The following STAT1 variants were observed in gnomAD, a reference collection of about 807,000 sequenced individuals.
STAT1 encodes the protein signal transducer and activator of transcription 1-alpha/beta.
Under a neutral mutation model 111.7 loss-of-function variants are expected in STAT1, and 24 were observed. That is an observed-to-expected ratio of 0.21 (90% CI 0.16 to 0.30). The LOEUF is 0.30. Ranked by LOEUF, STAT1 falls within the 10% of genes least tolerant of loss-of-function variation. The probability of loss-of-function intolerance (pLI) is 1.00; values close to 1 mark genes in which losing one functional copy is unlikely to be tolerated. For missense variants in STAT1, 351 were observed against 911.9 expected, an observed-to-expected ratio of 0.38 and a Z score of 7.92; for synonymous variants, 332 against 326.5, an observed-to-expected ratio of 1.02 and a Z score of -0.18.
At position 190,979,386 on chromosome 2, in the gene STAT1, A is replaced by G. The variant is rs1692171604; in HGVS notation, c.1728-385T>C. Among the ~76,000 whole-genome samples, 1 of 152,240 alleles carries G rather than the reference A, an allele frequency of 6.6e-6. No individual in the cohort carries two copies. Among genetic ancestry groups the G allele is most frequent in the Non-Finnish European group, 1.5e-5 (1 of 68,038 alleles). ...ATATTTTAGCCCTTCTGATCAAGTT[A>G]AAGCTTCTGTTGAAATATCAGCCGA... On this transcript the variant is annotated intron_variant, in intron 20 of 24. Coordinates refer to ENST00000361099, the MANE Select transcript of STAT1 (RefSeq NM_007315.4). The surrounding 1 kb of genome is among the most constrained non-coding windows in gnomAD (Gnocchi z 5.8).
intron 10 of STAT1, among the ~76,000 whole-genome samples, chr2:190,994,704 T>G (rs949635438): frequency 1.3e-5 from 2 of 151,870 alleles, no homozygotes; most frequent in African/African-American, 4.8e-5. Context: ...GCAGATCACC[T>G]GAGTTCAGGA....
In STAT1 at chr2:190,980,738, C is replaced by T; in HGVS notation, c.1583-69G>A. On this transcript the variant is annotated intron_variant, in intron 18 of 24. Coordinates refer to ENST00000361099, the MANE Select transcript of STAT1 (RefSeq NM_007315.4). This position sits in a 1 kb window ranked among gnomAD's most constrained non-coding sequence, Gnocchi z 6.1. ...TCTAAAGCTTTGGTTGGACGGATGG[C>T]TCTTGTATTTGCTCTCAAGGAAAAG... 2 of 1,489,182 alleles carry T rather than the reference C, an allele frequency of 1.3e-6. No individual in the cohort carries two copies. Among genetic ancestry groups the T allele is most frequent in the African/African-American group, 2.8e-5 (2 of 72,476 alleles). The allele number at this position is 1,489,182 out of a possible 1,614,324, so 92.2% of individuals were successfully genotyped here. A position where few individuals can be genotyped will look rare whatever the true frequency, so the allele number is the denominator to read the frequency against.
At position 190,981,854 on chromosome 2, in the gene STAT1, T is replaced by C. The variant is rs2125016619; in HGVS notation, c.1582+529A>G. On this transcript the variant is annotated intron_variant, in intron 18 of 24. Coordinates refer to ENST00000361099, the MANE Select transcript of STAT1 (RefSeq NM_007315.4). The surrounding 1 kb of genome is among the most constrained non-coding windows in gnomAD (Gnocchi z 4.1). Reference sequence around the variant, plus strand: ...ACTGACATTAACCACTGAAAGGGAATTATCTACCACTGTCTAGACTCTGTC... The same window carrying C: ...ACTGACATTAACCACTGAAAGGGAACTATCTACCACTGTCTAGACTCTGTC... 6.6e-6 allele frequency among the ~76,000 whole-genome samples: 1 copy of C among 152,336 alleles called. No individual in the cohort carries two copies. The highest frequency in any genetic ancestry group is 1.9e-4 in the East Asian group (1 of 5,190).
rs1034372654 is a variant in STAT1, at chr2:190,969,699, A to G, written c.*1004T>C. ...TGAGTTTTGAAATGATCTGATTCTC[A>G]TATTATCTCTGGTGTATTATTCAAG... On this transcript the variant is annotated 3_prime_UTR_variant, in exon 25 of 25. Coordinates refer to ENST00000361099, the MANE Select transcript of STAT1 (RefSeq NM_007315.4). 1.3e-5 allele frequency: 2 copies of G among 152,206 alleles called. No homozygotes were observed. The highest frequency in any genetic ancestry group is 2.9e-5 in the Non-Finnish European group (2 of 68,014). The allele number at this position is 152,206 out of a possible 1,614,324, so 9.4% of individuals were successfully genotyped here. A position where few individuals can be genotyped will look rare whatever the true frequency, so the allele number is the denominator to read the frequency against.
At position 190,978,884 on chromosome 2, in the gene STAT1, T is replaced by C. The variant is rs376916250; in HGVS notation, c.1845A>G (p.Thr615=). 6.2e-6 allele frequency: 10 copies of C among 1,614,000 alleles called. No individual in the cohort carries two copies. Among genetic ancestry groups the C allele is most frequent in the African/African-American group, 2.7e-5 (2 of 74,920 alleles). The change falls in exon 21 of 25, where the codon ACA becomes ACG. Residue 615 remains threonine (T), a synonymous_variant. Transcript: ENST00000361099. This position sits in a 1 kb window ranked among gnomAD's most constrained non-coding sequence, Gnocchi z 6.1. Reference sequence around the variant, plus strand: ...CTCCGTTCTGGGACCGCTCCACCCATGTGAATGTGATGGCCCCTTCCCGGG... The same window carrying C: ...CTCCGTTCTGGGACCGCTCCACCCACGTGAATGTGATGGCCCCTTCCCGGG... ...ESSREGAITF[T]WVERSQNGGE...
rs764896742 is a variant in STAT1, at chr2:190,980,675, C to A, written c.1583-6G>T. On this transcript the variant is annotated splice_polypyrimidine_tract_variant and splice_region_variant and intron_variant, in intron 18 of 24. Transcript: ENST00000361099. The surrounding 1 kb of genome is among the most constrained non-coding windows in gnomAD (Gnocchi z 6.1). ...ATCGGGGCTGGCGTTAGGACCTAAA[C>A]AAATAAAAACCAGATTTTTCAGCAA... The A allele has an allele frequency of 3.3e-5, 53 of 1,614,034 alleles. No individual in the cohort carries two copies. Among genetic ancestry groups the A allele is most frequent in the Non-Finnish European group, 4.4e-5 (52 of 1,180,012 alleles).
rs779984743 is a variant in STAT1 at position 190,973,147 on chromosome 2, T to C, written c.2238+1683A>G. Among the ~76,000 whole-genome samples the C allele has an allele frequency of 1.6e-4, 25 of 152,110 alleles. No individual in the cohort carries two copies. The highest frequency in any genetic ancestry group is 1.6e-4 in the Non-Finnish European group (11 of 68,028). Reference sequence around the variant, plus strand: ...CTCTCACCCAAAGGCCATGATGCCTTTGTCTTAATAACAGAATAAACCCAA... The same window carrying C: ...CTCTCACCCAAAGGCCATGATGCCTCTGTCTTAATAACAGAATAAACCCAA... On this transcript the variant is annotated intron_variant, in intron 24 of 24. Transcript: ENST00000361099. The surrounding 1 kb of genome is among the most constrained non-coding windows in gnomAD (Gnocchi z 4.4).
At position 190,973,817 on chromosome 2, in the gene STAT1, C is replaced by T. The variant is rs559500596; in HGVS notation, c.2238+1013G>A. ...GGTACAATCTCTAATGATTGTAGCC[C>T]GTGCTTAAGGTGAGGAAAAAAGTCA... is the stretch of plus-strand genomic sequence containing the variant. On this transcript the variant is annotated intron_variant, in intron 24 of 24. Transcript: ENST00000361099. This position sits in a 1 kb window ranked among gnomAD's most constrained non-coding sequence, Gnocchi z 4.4. Among the ~76,000 whole-genome samples, 16 of 152,170 alleles carry T rather than the reference C, an allele frequency of 1.1e-4. No individual in the cohort carries two copies. The East Asian group carries it at 2.5e-3, about 24-fold the overall frequency.
rs1274507623 is a variant in STAT1 at position 191,003,253 on chromosome 2, T to C, written c.373-2090A>G. ...ATACATGAATGTTACTGGTATCCTCTGTAAGTCCAAGGTGCCACATATCAC... is the reference window on the plus strand; with the variant it reads ...ATACATGAATGTTACTGGTATCCTCCGTAAGTCCAAGGTGCCACATATCAC... On this transcript the variant is annotated intron_variant, in intron 5 of 24. Coordinates refer to ENST00000361099, the MANE Select transcript of STAT1 (RefSeq NM_007315.4). The surrounding 1 kb of genome is among the most constrained non-coding windows in gnomAD (Gnocchi z 4.0). 6.6e-6 allele frequency among the ~76,000 whole-genome samples: 1 copy of C among 152,242 alleles called. No individual in the cohort carries two copies. Among genetic ancestry groups the C allele is most frequent in the Non-Finnish European group, 1.5e-5 (1 of 68,038 alleles).
Position 190,978,961 on chromosome 2 carries a change from G to A in STAT1, c.1768C>T (p.Leu590=). The part of the protein sequence containing the change: ...GFISKERERA[L]LKDQQPGTFL... ...GTCCCCGGCTGCTGGTCCTTCAACA[G>A]GGCACGCTCTCGCTCCTTGCTGATG... The change falls in exon 21 of 25, where the codon CTG becomes TTG. Residue 590 remains leucine (L), a synonymous_variant. Transcript: ENST00000361099. The surrounding 1 kb of genome is among the most constrained non-coding windows in gnomAD (Gnocchi z 6.1). 6.2e-7 allele frequency: 1 copy of A among 1,614,184 alleles called. No individual in the cohort carries two copies. Among genetic ancestry groups the A allele is most frequent in the African/African-American group, 1.3e-5 (1 of 75,052 alleles).
chr2:190,980,788 A>T lies in STAT1; in HGVS notation c.1583-119T>A. On this transcript the variant is annotated intron_variant, in intron 18 of 24. Transcript: ENST00000361099. The surrounding 1 kb of genome is among the most constrained non-coding windows in gnomAD (Gnocchi z 6.1). ...GAGCCAAACACCCAACAAAGATTGT[A>T]TGTACACAGTTGACATTTTCGGATA... 1.0e-6 allele frequency: 1 copy of T among 974,800 alleles called. No homozygotes were observed. Among genetic ancestry groups the T allele is most frequent in the Non-Finnish European group, 1.6e-6 (1 of 615,034 alleles). 60.4% of individuals were successfully genotyped at this position (974,800 alleles called of 1,614,324 possible).
rs1694697094 is a variant in STAT1 at position 191,006,365 on chromosome 2, G to T, written c.372+1198C>A. 6.6e-6 allele frequency among the ~76,000 whole-genome samples: 1 copy of T among 152,166 alleles called. No individual in the cohort carries two copies. Among genetic ancestry groups the T allele is most frequent in the Admixed American group, 6.5e-5 (1 of 15,274 alleles). ...GTACCAGATGAGCTAGCCAGCTTGA[G>T]TTTAGAATAAGCAATATGTATCTTT... is the stretch of plus-strand genomic sequence containing the variant. On this transcript the variant is annotated intron_variant, in intron 5 of 24. Coordinates refer to ENST00000361099, the MANE Select transcript of STAT1 (RefSeq NM_007315.4). This position sits in a 1 kb window ranked among gnomAD's most constrained non-coding sequence, Gnocchi z 4.6.
chr2:191,013,088 C>T (rs181287947), intron 2 of STAT1, among the ~76,000 whole-genome samples: 13 of 152,222 alleles, frequency 8.5e-5, no homozygotes, highest in Non-Finnish European at 1.6e-4. Context: ...TTGGACAGTG[C>T]CCTGCATATA....
rs1415740340 is a variant in STAT1 at position 190,970,091 on chromosome 2, C to G, written c.*612G>C. The stretch of plus-strand genomic sequence containing the variant: ...CTCAAGAAACAGAATTTGTCTTTGT[C>G]TTTAAATAGCCAATGTGAAAGATGT... On this transcript the variant is annotated 3_prime_UTR_variant, in exon 25 of 25. Coordinates refer to ENST00000361099, the MANE Select transcript of STAT1 (RefSeq NM_007315.4). The surrounding 1 kb of genome is among the most constrained non-coding windows in gnomAD (Gnocchi z 5.4). 6.3e-6 allele frequency: 1 copy of G among 159,024 alleles called. No individual in the cohort carries two copies. Among genetic ancestry groups the G allele is most frequent in the Non-Finnish European group, 1.4e-5 (1 of 71,984 alleles). The allele number at this position is 159,024 out of a possible 1,614,324, so 9.9% of individuals were successfully genotyped here.
Position 190,984,424 on chromosome 2 carries a change from T to G in STAT1, c.1264-31A>C. On this transcript the variant is annotated intron_variant, in intron 15 of 24. Transcript: ENST00000361099. The surrounding 1 kb of genome is among the most constrained non-coding windows in gnomAD (Gnocchi z 5.2). ...AAGAGAAAAGGAAAGAAGAAAAGAA[T>G]ATAATTATTCACAGATCCTAAAACT... 5 of 1,545,832 alleles carry G rather than the reference T, an allele frequency of 3.2e-6. No individual in the cohort carries two copies. Among genetic ancestry groups the G allele is most frequent in the Non-Finnish European group, 4.5e-6 (5 of 1,119,702 alleles).
chr2:190,995,290 T>A lies in STAT1; in HGVS notation c.786-71A>T. Reference sequence around the variant, plus strand: ...AAGCAGCCTGGATTAAAGGGAATCATGGTATATTAGTCCATTCTCATGCTG... The same window carrying A: ...AAGCAGCCTGGATTAAAGGGAATCAAGGTATATTAGTCCATTCTCATGCTG... On this transcript the variant is annotated intron_variant, in intron 9 of 24. Transcript: ENST00000361099. This position sits in a 1 kb window ranked among gnomAD's most constrained non-coding sequence, Gnocchi z 4.2. 2 of 1,451,794 alleles carry A rather than the reference T, an allele frequency of 1.4e-6. No homozygotes were observed. The highest frequency in any genetic ancestry group is 1.9e-6 in the Non-Finnish European group (2 of 1,035,766). The allele number at this position is 1,451,794 out of a possible 1,614,324, so 89.9% of individuals were successfully genotyped here.
At position 191,006,444 on chromosome 2, in the gene STAT1, C is replaced by T. The variant is rs984637360; in HGVS notation, c.372+1119G>A. On this transcript the variant is annotated intron_variant, in intron 5 of 24. Coordinates refer to ENST00000361099, the MANE Select transcript of STAT1 (RefSeq NM_007315.4). The surrounding 1 kb of genome is among the most constrained non-coding windows in gnomAD (Gnocchi z 4.6). ...GTGTGACAAGAAGATGGGAACTATACGCCTAGGGAAGTGACAGGATTACAA... is the reference window on the plus strand; with the variant it reads ...GTGTGACAAGAAGATGGGAACTATATGCCTAGGGAAGTGACAGGATTACAA... Among the ~76,000 whole-genome samples the T allele has an allele frequency of 5.3e-5, 8 of 152,204 alleles. No individual in the cohort carries two copies. The highest frequency in any genetic ancestry group is 1.9e-4 in the East Asian group (1 of 5,202).
Position 190,970,479 on chromosome 2 carries a change from G to T in STAT1, c.*224C>A. On this transcript the variant is annotated 3_prime_UTR_variant, in exon 25 of 25. Transcript: ENST00000361099. This position sits in a 1 kb window ranked among gnomAD's most constrained non-coding sequence, Gnocchi z 5.4. ...TCACTTGTGAAACCCACTCTTCAGAGAATGCCTTTCAATTTTACCTTCAGT... is the reference window on the plus strand; with the variant it reads ...TCACTTGTGAAACCCACTCTTCAGATAATGCCTTTCAATTTTACCTTCAGT... 1.6e-6 allele frequency: 1 copy of T among 611,874 alleles called. No homozygotes were observed. The highest frequency in any genetic ancestry group is 1.9e-5 in the South Asian group (1 of 53,930). The allele number at this position is 611,874 out of a possible 1,614,324, so 37.9% of individuals were successfully genotyped here. A position where few individuals can be genotyped will look rare whatever the true frequency, so the allele number is the denominator to read the frequency against.
At chr2:191,010,114 C>T in intron 2 of STAT1, 110 bp from the exon 3 acceptor site, 4 of 1,260,528 alleles carry the variant, frequency 3.2e-6, no homozygotes, top group Non-Finnish European at 4.5e-6. Flanking sequence ...TAATCCAAAA[C>T]ATAGTTTGTC....
Sources: gnomAD v4.1 joint callset for allele counts (sites outside exome capture counted in the v4.1 genomes callset) on GRCh38, gnomAD v4.1.1 for gene constraint, Gnocchi (gnomAD v3.1) non-coding constraint, MANE v1.5 for transcripts, NCBI Gene and HGNC (gene_info 2026-07-23, HGNC 2026-07-21) for gene names.